The following CSMD2 variants were observed in gnomAD, a reference collection of about 807,000 sequenced individuals.
The protein encoded by CSMD2 is CUB and sushi domain-containing protein 2.
A neutral mutation model predicts 398.5 loss-of-function variants in CSMD2; 130 were observed. That is an observed-to-expected ratio of 0.33 (90% CI 0.28 to 0.38). The LOEUF is 0.38. Among genes scored for constraint, CSMD2 ranks in the 10% least tolerant of loss-of-function variants. The probability of loss-of-function intolerance (pLI) is 1.00; values close to 1 mark genes in which losing one functional copy is unlikely to be tolerated. For synonymous variants in CSMD2, 1,828 were observed against 1,908.5 expected (o/e 0.96, Z 1.10); for missense variants, 3,829 against 4,764.9 (o/e 0.80, Z 5.78).
intron 15 of CSMD2, among the ~76,000 whole-genome samples, chr1:33,735,937 G>C (rs556142302): frequency 8.6e-4 from 131 of 152,274 alleles, no homozygotes; most frequent in African/African-American, 2.8e-3. Flanking sequence ...GTTCCCAGGG[G>C]CTTCTTTAGC....
At chr1:34,143,685 G>A (rs568193844) in intron 1 of CSMD2, among the ~76,000 whole-genome samples, 1 of 152,212 alleles carries the variant, frequency 6.6e-6, no homozygotes, top group South Asian at 2.1e-4. Context: ...CATATACACA[G>A]ATGGGAGAAA....
intron 2 of CSMD2, among the ~76,000 whole-genome samples, chr1:34,041,179 G>A (rs1651797442): frequency 6.6e-6 from 1 of 152,120 alleles, no homozygotes; most frequent in Admixed American, 6.5e-5. Context: ...AGAGGGGACA[G>A]AAGTGCTGGA....
chr1:34,122,371 C>T (rs1662277267), intron 1 of CSMD2, among the ~76,000 whole-genome samples: 1 of 152,100 alleles, frequency 6.6e-6, no homozygotes, highest in African/African-American at 2.4e-5. Flanking sequence ...GCACCGAGGT[C>T]CGGGATCTGC....
chr1:33,860,969 C>T (rs1639455469), intron 5 of CSMD2: 1 of 152,118 alleles, frequency 6.6e-6, no homozygotes, highest in Admixed American at 6.5e-5. Flanking sequence ...GAGTATGTCA[C>T]ACAAGTAGAA....
intron 12 of CSMD2, among the ~76,000 whole-genome samples, chr1:33,776,507 A>G (rs1651989088): frequency 6.6e-6 from 1 of 151,986 alleles, no homozygotes; most frequent in African/African-American, 2.4e-5. Flanking sequence ...TGAAGCTGTC[A>G]CTCTGGAGAA....
intron 5 of CSMD2, among the ~76,000 whole-genome samples, chr1:33,893,445 GC>G (rs575875086): frequency 8.5e-5 from 13 of 152,196 alleles, no homozygotes; most frequent in Non-Finnish European, 1.6e-4. Flanking sequence ...GAAGCACAAA[GC>G]AGCTTTCACC....
intron 13 of CSMD2, among the ~76,000 whole-genome samples, chr1:33,760,112 T>A (rs1026949080): frequency 5.9e-5 from 9 of 152,212 alleles, no homozygotes; most frequent in Non-Finnish European, 1.3e-4. Flanking sequence ...TGACTGTTCA[T>A]CAGCATAACC....
At chr1:34,063,895 A>C (rs2148272996) in intron 2 of CSMD2, among the ~76,000 whole-genome samples, 1 of 152,246 alleles carries the variant, frequency 6.6e-6, no homozygotes, top group African/African-American at 2.4e-5. Flanking sequence ...AGGTTACCAA[A>C]CCTCAATTCT....
At chr1:33,894,240 C>T (rs1430670679) in intron 5 of CSMD2, among the ~76,000 whole-genome samples, 7 of 152,098 alleles carry the variant, frequency 4.6e-5, no homozygotes, top group African/African-American at 1.7e-4. Context: ...ACAGCTCTGT[C>T]AGTAACACTG....
chr1:33,870,979 C>G (rs1195728690), intron 5 of CSMD2: 1 of 152,316 alleles, frequency 6.6e-6, no homozygotes, highest in South Asian at 2.1e-4. Context: ...AGTCAAACAG[C>G]CTGCAAGGAA....
At chr1:33,670,392 G>T (rs900279752) in intron 25 of CSMD2, among the ~76,000 whole-genome samples, 1 of 152,174 alleles carries the variant, frequency 6.6e-6, no homozygotes, top group Non-Finnish European at 1.5e-5. Context: ...GACCCCTGTG[G>T]TTCATCCAAA....
intron 1 of CSMD2, among the ~76,000 whole-genome samples, chr1:34,131,487 C>T (rs1359099059): frequency 2.0e-5 from 3 of 152,196 alleles, no homozygotes; most frequent in African/African-American, 7.2e-5. Flanking sequence ...TGCCTGCTGA[C>T]TTGGCCCTGG....
At chr1:33,800,993 C>T (rs922351200) in intron 10 of CSMD2, among the ~76,000 whole-genome samples, 74 of 50,066 alleles carry the variant, frequency 1.5e-3, no homozygotes, top group Non-Finnish European at 4.1e-3. Flanking sequence ...AATGGGCCAA[C>T]GAGTATGTCC....
In CSMD2 at chr1:34,014,062, C is replaced by T. The variant is rs977026789; in HGVS notation, c.517+18532G>A. ...ACCCTGGGAGCTAACCTTGGCTCCT[C>T]TCCAGCACCCACTTCTAATCTGCCA... On this transcript the variant is annotated intron_variant, in intron 3 of 70. Coordinates refer to ENST00000373381, the MANE Select transcript of CSMD2 (RefSeq NM_001281956.2). 2.6e-5 allele frequency among the ~76,000 whole-genome samples: 4 copies of T among 152,336 alleles called. No homozygotes were observed. In the South Asian group the frequency reaches 8.3e-4, roughly 32 times the overall value.
intron 57 of CSMD2, among the ~76,000 whole-genome samples, chr1:33,544,831 T>TTATATATATATATATATATA (rs56072818): frequency 2.6e-3 from 364 of 141,888 alleles, no homozygotes; most frequent in African/African-American, 5.0e-3. Flanking sequence ...CACTGTGCAT[T>TTATATATATATATATATATA]TATATATATA....
chr1:33,897,624 A>T (rs1558070411), intron 5 of CSMD2, among the ~76,000 whole-genome samples: 1 of 152,208 alleles, frequency 6.6e-6, no homozygotes, highest in Non-Finnish European at 1.5e-5. Context: ...AACTGAGGAC[A>T]CAGCCGGGTG....
chr1:33,588,140 T>G (rs1323251626), intron 44 of CSMD2, among the ~76,000 whole-genome samples: 1 of 152,224 alleles, frequency 6.6e-6, no homozygotes, highest in African/African-American at 2.4e-5. Context: ...TTTTGTTTTA[T>G]ACAACTTGCA....
intron 1 of CSMD2, among the ~76,000 whole-genome samples, chr1:34,106,618 C>T (rs1330138870): frequency 1.3e-5 from 2 of 152,108 alleles, no homozygotes; most frequent in African/African-American, 4.8e-5. Context: ...CACTCTGCAC[C>T]CAGCACCAGG....
At chr1:34,079,453 C>T (rs1656805471) in intron 2 of CSMD2, among the ~76,000 whole-genome samples, 1 of 151,990 alleles carries the variant, frequency 6.6e-6, no homozygotes, top group Admixed American at 6.5e-5. Flanking sequence ...TTTAAAAAAC[C>T]CATTCACAAT....
Sources: allele counts gnomAD v4.1 joint callset (sites outside exome capture counted in the v4.1 genomes callset), GRCh38; gene constraint gnomAD v4.1.1; transcripts MANE v1.5; gene names NCBI Gene and HGNC (gene_info 2026-07-23, HGNC 2026-07-21).